The following CHD9 variants were observed in gnomAD, a reference collection of about 807,000 sequenced individuals.
CHD9 encodes the protein chromodomain helicase DNA binding protein 9, also known as ATP-dependent chromatin remodeler CHD9.
CHD9 carries 77 observed loss-of-function variants against 316.1 expected under a neutral mutation model. That is an observed-to-expected ratio of 0.24 (90% CI 0.20 to 0.29). The LOEUF is 0.29. Ranked by LOEUF, CHD9 falls within the 10% of genes least tolerant of loss-of-function variation. The probability of loss-of-function intolerance (pLI) is 1.00; values close to 1 mark genes in which losing one functional copy is unlikely to be tolerated. For synonymous variants in CHD9, 1,129 were observed against 1,158.3 expected (o/e 0.97, Z 0.51); for missense variants, 2,763 against 3,438.1 (o/e 0.80, Z 4.91).
intron 12 of CHD9, among the ~76,000 whole-genome samples, chr16:53,241,832 T>C (rs1456850493): frequency 6.6e-6 from 1 of 152,184 alleles, no homozygotes; most frequent in Non-Finnish European, 1.5e-5. Context: ...ACAGGTTTCA[T>C]CACAACTGCC....
At chr16:53,151,915 A>C (rs892445725) in intron 1 of CHD9, among the ~76,000 whole-genome samples, 15 of 152,030 alleles carry the variant, frequency 9.9e-5, no homozygotes, top group Middle Eastern at 3.4e-3. Context: ...AATTTCTGTC[A>C]ACTTTTTTCT....
rs1229768497 is a variant in CHD9, at chr16:53,222,767, A to G, written c.1896+12A>G. ...ATCAAGACTCTCAAGTGAGTATTAC[A>G]ATTTTTTCTAGAAATGAAACACTGT... On this transcript the variant is annotated intron_variant, in intron 4 of 38. Transcript: ENST00000447540. The G allele has an allele frequency of 7.9e-7, 1 of 1,270,546 alleles. No homozygotes were observed. The highest frequency in any genetic ancestry group is 2.1e-5 in the Admixed American group (1 of 47,194). The allele number at this position is 1,270,546 out of a possible 1,614,324, so 78.7% of individuals were successfully genotyped here. A position where few individuals can be genotyped will look rare whatever the true frequency, so the allele number is the denominator to read the frequency against.
chr16:53,235,419 T>C lies in CHD9; in HGVS notation c.2633+113T>C, dbSNP rs568501742. On this transcript the variant is annotated intron_variant, in intron 11 of 38. Transcript: ENST00000447540. ...TGTTATTGTTTTGAAGTCTTCATTA[T>C]TTAAAGTGAGGTTACCTCAGGAACA... 113 of 759,638 alleles carry C rather than the reference T, an allele frequency of 1.5e-4. No individual in the cohort carries two copies. The African/African-American group carries it at 1.7e-3, about 12-fold the overall frequency. 47.1% of individuals were successfully genotyped at this position (759,638 alleles called of 1,614,324 possible).
intron 2 of CHD9, among the ~76,000 whole-genome samples, chr16:53,185,467 GC>G (rs1408491786): frequency 6.6e-6 from 1 of 152,162 alleles, no homozygotes; most frequent in East Asian, 1.9e-4. Flanking sequence ...TCAAGAGGAA[GC>G]AGAGCATAAA....
In CHD9 at chr16:53,263,082, G is replaced by A. The variant is rs766604485; in HGVS notation, c.4305G>A (p.Glu1435=). The A allele has an allele frequency of 6.2e-7, 1 of 1,610,482 alleles. No homozygotes were observed. The highest frequency in any genetic ancestry group is 8.5e-7 in the Non-Finnish European group (1 of 1,177,654). The stretch of plus-strand genomic sequence containing the variant: ...CTAAAAAGGCAGAAATAGATATAGA[G>A]GCCATCAGTGGCAGAGTAAGTATTT... The part of the protein sequence containing the change: ...KWAKKAEIDI[E]AISGRNSLVI... The change falls in exon 20 of 39, where the codon GAG becomes GAA. Residue 1435 remains glutamate (E), a synonymous_variant. Coordinates refer to ENST00000447540, the MANE Select transcript of CHD9 (RefSeq NM_001308319.2).
chr16:53,217,672 C>G (rs867799224), intron 3 of CHD9, among the ~76,000 whole-genome samples: 3 of 152,182 alleles, frequency 2.0e-5, no homozygotes, highest in Middle Eastern at 6.8e-3. Context: ...ATTTTAGAAT[C>G]TATAATAAAT....
chr16:53,062,947 G>C (rs1596845816), intron 1 of CHD9, among the ~76,000 whole-genome samples: 1 of 152,246 alleles, frequency 6.6e-6, no homozygotes, highest in East Asian at 1.9e-4. Context: ...TTGGACCCGG[G>C]AGGCAGAGGT....
At chr16:53,070,181 C>T (rs1334830249) in intron 1 of CHD9, among the ~76,000 whole-genome samples, 2 of 151,904 alleles carry the variant, frequency 1.3e-5, no homozygotes, top group East Asian at 1.9e-4. Context: ...ATAACAATTC[C>T]AAGTATTTTC....
Position 53,146,413 on chromosome 16 carries a change from G to GTATATATA in CHD9, c.-164-9512_-164-9511insATATATAT, listed in dbSNP as rs1361043895. ...CTCAAAAAAAAAAAATTGTGTGTGT[G>GTATATATA]TGTATGTATATATATATATATATAA... is the stretch of plus-strand genomic sequence containing the variant. On this transcript the variant is annotated intron_variant, in intron 1 of 38. Coordinates refer to ENST00000447540, the MANE Select transcript of CHD9 (RefSeq NM_001308319.2). Among the ~76,000 whole-genome samples the GTATATATA allele has an allele frequency of 3.8e-3, 94 of 24,480 alleles. 2 individuals are homozygous for GTATATATA. Among genetic ancestry groups the GTATATATA allele is most frequent in the Admixed American group, 6.7e-3 (14 of 2,102 alleles). 16.1% of individuals were successfully genotyped at this position (24,480 alleles called of 152,430 possible).
At chr16:53,174,255 C>T (rs1442377350) in intron 2 of CHD9, among the ~76,000 whole-genome samples, 2 of 152,198 alleles carry the variant, frequency 1.3e-5, no homozygotes, top group Non-Finnish European at 2.9e-5. Context: ...CTACAGACTG[C>T]AGTCCAGCCT....
intron 27 of CHD9, among the ~76,000 whole-genome samples, chr16:53,289,049 T>C (rs2054116164): frequency 6.6e-6 from 1 of 151,948 alleles, no homozygotes; most frequent in South Asian, 2.1e-4. Flanking sequence ...TGAGAAACCA[T>C]TTACCATGAG....
chr16:53,216,506 G>A (rs1053426447), intron 3 of CHD9, among the ~76,000 whole-genome samples: 1 of 152,096 alleles, frequency 6.6e-6, no homozygotes, highest in Non-Finnish European at 1.5e-5. Flanking sequence ...AATCAATAAG[G>A]TATGTTGGAA....
At chr16:53,218,273 A>G (rs1309874032) in intron 3 of CHD9, among the ~76,000 whole-genome samples, 1 of 152,186 alleles carries the variant, frequency 6.6e-6, no homozygotes, top group Non-Finnish European at 1.5e-5. Flanking sequence ...ATGTTGGAAG[A>G]ATAATACAGA....
intron 2 of CHD9, among the ~76,000 whole-genome samples, chr16:53,174,680 C>T (rs2042987825): frequency 6.6e-6 from 1 of 152,172 alleles, no homozygotes; most frequent in Admixed American, 6.5e-5. Flanking sequence ...GCGATCATGG[C>T]TCTGTGCAGC....
rs955966495 is a variant in CHD9 at position 53,228,569 on chromosome 16, C to T, written c.2169-414C>T. Among the ~76,000 whole-genome samples the T allele has an allele frequency of 5.7e-5, 7 of 121,936 alleles. 1 individual carries two copies. In the Middle Eastern group the frequency reaches 0.026, roughly 452 times the overall value. 80.0% of individuals were successfully genotyped at this position (121,936 alleles called of 152,430 possible). ...TTTTTTTTTTTTTTTGAGACGGAGT[C>T]TCGCTCTGTCGCCCAGGCCGGACTG... On this transcript the variant is annotated intron_variant, in intron 7 of 38. Transcript: ENST00000447540.
intron 1 of CHD9, among the ~76,000 whole-genome samples, chr16:53,120,477 G>A (rs1014041793): frequency 2.6e-5 from 4 of 152,044 alleles, no homozygotes; most frequent in Non-Finnish European, 4.4e-5. Context: ...GCCGGGTGTG[G>A]TGGCGCATGC....
chr16:53,325,000 C>T lies in CHD9; in HGVS notation c.*105C>T, dbSNP rs2057493125. On this transcript the variant is annotated 3_prime_UTR_variant, in exon 39 of 39. Coordinates refer to ENST00000447540, the MANE Select transcript of CHD9 (RefSeq NM_001308319.2). The stretch of plus-strand genomic sequence containing the variant: ...GTGCATCAATAACTTACTGACCGAA[C>T]ATTTCAGTTATTTGTTTAGAAGTGC... The T allele has an allele frequency of 1.7e-5, 16 of 958,980 alleles. No homozygotes were observed. In the South Asian group the frequency reaches 3.4e-4, roughly 20 times the overall value. 59.4% of individuals were successfully genotyped at this position (958,980 alleles called of 1,614,324 possible). A position where few individuals can be genotyped will look rare whatever the true frequency, so the allele number is the denominator to read the frequency against.
chr16:53,131,212 G>C (rs1378287774), intron 1 of CHD9: 1 of 151,018 alleles, frequency 6.6e-6, no homozygotes, highest in Non-Finnish European at 1.5e-5. Flanking sequence ...GCCCCCGCCC[G>C]GCCAGCCGCG....
chr16:53,238,211 G>A lies in CHD9; in HGVS notation c.2634-132G>A, dbSNP rs1246718626. On this transcript the variant is annotated intron_variant, in intron 11 of 38. Transcript: ENST00000447540. Reference sequence around the variant, plus strand: ...AAAATTGTAATCTTAAGCCTACCCTGCACTTAAGCAACTTTTACATTTTTA... The same window carrying A: ...AAAATTGTAATCTTAAGCCTACCCTACACTTAAGCAACTTTTACATTTTTA... 4 of 790,314 alleles carry A rather than the reference G, an allele frequency of 5.1e-6. No individual in the cohort carries two copies. In the African/African-American group the frequency reaches 7.0e-5, roughly 14 times the overall value. 49.0% of individuals were successfully genotyped at this position (790,314 alleles called of 1,614,324 possible).
Sources: allele counts gnomAD v4.1 joint callset (sites outside exome capture counted in the v4.1 genomes callset), GRCh38; gene constraint gnomAD v4.1.1; transcripts MANE v1.5; gene names NCBI Gene and HGNC (gene_info 2026-07-23, HGNC 2026-07-21).